CDH18: variants seen among roughly 807,000 people sequenced by gnomAD.
CDH18 encodes cadherin-18.
Under a neutral mutation model 67.9 loss-of-function variants are expected in CDH18, and 31 were observed. The observed-to-expected ratio is 0.46, with a 90% CI of 0.34 to 0.62. The LOEUF (loss-of-function observed/expected upper bound fraction) is 0.62, where lower values mean the gene tolerates loss of function less well. Ranked by LOEUF, CDH18 falls within the 20% of genes least tolerant of loss-of-function variation. The pLI is 0.01. For missense variants in CDH18, 890 were observed against 975.5 expected, an observed-to-expected ratio of 0.91 and a Z score of 1.17; for synonymous variants, 362 against 347.2, an observed-to-expected ratio of 1.04 and a Z score of -0.48.
At chr5:19,475,879 C>A (rs1394552513) in intron 12 of CDH18, among the ~76,000 whole-genome samples, 1 of 151,970 alleles carries the variant, frequency 6.6e-6, no homozygotes, top group East Asian at 1.9e-4. Flanking sequence ...AGAAACTGCC[C>A]TTTTACTGCT....
At chr5:20,446,965 C>T (rs1750051439) in intron 1 of CDH18, among the ~76,000 whole-genome samples, 1 of 152,140 alleles carries the variant, frequency 6.6e-6, no homozygotes, top group East Asian at 1.9e-4. Context: ...AAATTTCCTG[C>T]CTGTGGCTGA....
At chr5:20,296,083 C>T (rs1747486561) in intron 1 of CDH18, among the ~76,000 whole-genome samples, 1 of 151,262 alleles carries the variant, frequency 6.6e-6, no homozygotes, top group Admixed American at 6.6e-5. Flanking sequence ...GCCACGTTGG[C>T]CAGCCTGGTC....
chr5:20,345,570 C>T lies in CDH18; in HGVS notation c.-579-90065G>A, dbSNP rs181157308. 5.9e-5 allele frequency among the ~76,000 whole-genome samples: 9 copies of T among 152,054 alleles called. No individual in the cohort carries two copies. The East Asian group carries it at 1.4e-3, about 23-fold the overall frequency. On this transcript the variant is annotated intron_variant, in intron 1 of 14. Coordinates refer to the CDH18 transcript ENST00000507958. ...CTTTCTTAGCTAAGTAATTGTTTAA[C>T]GTCTGCTTATATTATGAATGGCTTT...
rs781651142 is a variant in CDH18 at position 19,520,634 on chromosome 5, G to A, written c.1512+23C>T. 4.9e-5 allele frequency: 78 copies of A among 1,595,838 alleles called. No homozygotes were observed. The South Asian group carries it at 8.3e-4, about 17-fold the overall frequency. On this transcript the variant is annotated intron_variant, in intron 10 of 12. Coordinates refer to ENST00000382275, the MANE Select transcript of CDH18 (RefSeq NM_004934.5). ...CTTGCATTTATTCCATTCAAATGAGGAGGAAGGAAACAATTAACTTACCTG... is the reference window on the plus strand; with the variant it reads ...CTTGCATTTATTCCATTCAAATGAGAAGGAAGGAAACAATTAACTTACCTG...
chr5:19,608,027 A>C (rs546339967), intron 6 of CDH18, among the ~76,000 whole-genome samples: 1 of 151,708 alleles, frequency 6.6e-6, no homozygotes, highest in Non-Finnish European at 1.5e-5. Context: ...TAAACAGAGG[A>C]AAAAAGAGAA....
At chr5:19,701,044 T>C (rs1206582807) in intron 5 of CDH18, among the ~76,000 whole-genome samples, 6 of 151,910 alleles carry the variant, frequency 3.9e-5, no homozygotes, top group African/African-American at 1.5e-4. Context: ...GTCAGTAAAA[T>C]TATTGTAAAT....
intron 1 of CDH18, among the ~76,000 whole-genome samples, chr5:20,392,833 C>G (rs550884599): frequency 2.0e-5 from 3 of 151,868 alleles, no homozygotes; most frequent in African/African-American, 7.2e-5. Context: ...TATTTTGGTT[C>G]AGCACTTTTT....
intron 2 of CDH18, among the ~76,000 whole-genome samples, chr5:19,840,113 A>AT (rs931988757): frequency 4.0e-5 from 6 of 150,526 alleles, no homozygotes; most frequent in African/African-American, 1.2e-4. Context: ...AAAATAAAAA[A>AT]AAAAATGAGC....
chr5:19,889,416 G>A (rs967495761), intron 2 of CDH18, among the ~76,000 whole-genome samples: 3 of 151,988 alleles, frequency 2.0e-5, no homozygotes, highest in Middle Eastern at 3.4e-3. Context: ...TCAGAAATAA[G>A]TTCAGCCTAG....
intron 2 of CDH18, among the ~76,000 whole-genome samples, chr5:20,183,540 A>G (rs985238626): frequency 2.0e-5 from 3 of 152,110 alleles, no homozygotes; most frequent in East Asian, 1.9e-4. Flanking sequence ...AAAAGAAGAA[A>G]AAACAAAGCA....
At chr5:20,184,477 T>G (rs572058847) in intron 2 of CDH18, among the ~76,000 whole-genome samples, 1 of 152,190 alleles carries the variant, frequency 6.6e-6, no homozygotes, top group African/African-American at 2.4e-5. Flanking sequence ...TAATACAAGG[T>G]TAAGGCAGCT....
At chr5:19,774,806 CTCAA>C (rs1774139414) in intron 3 of CDH18, among the ~76,000 whole-genome samples, 1 of 30,084 alleles carries the variant, frequency 3.3e-5, no homozygotes, top group Admixed American at 7.1e-4. Context: ...AAGACTCTGT[CTCAA>C]AAAAAAAAAA....
chr5:19,521,346 C>G (rs187149114), intron 9 of CDH18, among the ~76,000 whole-genome samples: 138 of 152,174 alleles, frequency 9.1e-4, no homozygotes, highest in Non-Finnish European at 1.4e-3. Flanking sequence ...ACATGTAACT[C>G]TCGTAGATAT....
intron 2 of CDH18, among the ~76,000 whole-genome samples, chr5:19,878,893 T>A (rs1023961873): frequency 6.6e-6 from 1 of 152,002 alleles, no homozygotes. Flanking sequence ...TTAGAACTAG[T>A]TTTCGAATGT....
intron 1 of CDH18, chr5:20,304,253 T>C: frequency 1.9e-6 from 3 of 1,589,176 alleles, no homozygotes; most frequent in Middle Eastern, 1.7e-4. Flanking sequence ...GTTGCCTAAA[T>C]TGGTGTCTGC....
chr5:20,087,742 T>G (rs1352807861), intron 2 of CDH18, among the ~76,000 whole-genome samples: 1 of 152,214 alleles, frequency 6.6e-6, no homozygotes, highest in Non-Finnish European at 1.5e-5. Context: ...CAGTGTAGTA[T>G]AAACATACTT....
chr5:19,834,787 G>C (rs550163198), intron 3 of CDH18, among the ~76,000 whole-genome samples: 1 of 152,102 alleles, frequency 6.6e-6, no homozygotes, highest in African/African-American at 2.4e-5. Flanking sequence ...ATTTACCCAG[G>C]AGTCATTCAG....
chr5:19,717,366 G>A (rs1402676982), intron 5 of CDH18, among the ~76,000 whole-genome samples: 1 of 151,628 alleles, frequency 6.6e-6, no homozygotes, highest in African/African-American at 2.4e-5. Flanking sequence ...AGATTTTCAT[G>A]TCCAGTTAAA....
intron 5 of CDH18, among the ~76,000 whole-genome samples, chr5:19,674,856 A>C (rs1218903295): frequency 6.6e-6 from 1 of 152,128 alleles, no homozygotes; most frequent in Non-Finnish European, 1.5e-5. Context: ...GAAAGCAAAA[A>C]TCCAATCCAG....
Sources: allele counts gnomAD v4.1 joint callset (sites outside exome capture counted in the v4.1 genomes callset), GRCh38; gene constraint gnomAD v4.1.1; transcripts MANE v1.5; gene names NCBI Gene and HGNC (gene_info 2026-07-23, HGNC 2026-07-21).